The following GABRR2 variants were observed in gnomAD, a reference collection of about 807,000 sequenced individuals.
GABRR2 encodes gamma-aminobutyric acid receptor subunit rho-2.
Under a neutral mutation model 47.0 loss-of-function variants are expected in GABRR2, and 36 were observed. The observed-to-expected ratio is 0.77, with a 90% CI of 0.59 to 1.01. The LOEUF is 1.01. Ranked by LOEUF, GABRR2 falls within the 50% of genes least tolerant of loss-of-function variation. The probability of loss-of-function intolerance (pLI) is 0.00; values close to 1 mark genes in which losing one functional copy is unlikely to be tolerated. For missense variants in GABRR2, 587 were observed against 594.6 expected, an observed-to-expected ratio of 0.99 and a Z score of 0.13; for synonymous variants, 204 against 227.5, an observed-to-expected ratio of 0.90 and a Z score of 0.93.
At chr6:89,292,764 A>ATG (rs1774479833) in intron 2 of GABRR2, among the ~76,000 whole-genome samples, 1 of 37,684 alleles carries the variant, frequency 2.7e-5, no homozygotes. Context: ...CGTATATACG[A>ATG]TATATCGTAT....
intron 2 of GABRR2, among the ~76,000 whole-genome samples, chr6:89,292,222 T>C (rs981405117): frequency 1.3e-5 from 2 of 151,818 alleles, no homozygotes; most frequent in African/African-American, 4.8e-5. Context: ...TCCATGATGA[T>C]ACTATATCCC....
chr6:89,302,460 A>G (rs1767472399), intron 1 of GABRR2: 3 of 607,920 alleles, frequency 4.9e-6, no homozygotes, highest in Admixed American at 1.9e-5. Context: ...GCCACCTGAC[A>G]TTGGCCACCA....
rs373172795 is a variant in GABRR2 at position 89,264,395 on chromosome 6, C to G, written c.1086+17G>C. The G allele has an allele frequency of 3.7e-6, 6 of 1,608,400 alleles. No homozygotes were observed. The highest frequency in any genetic ancestry group is 1.3e-5 in the African/African-American group (1 of 74,672). On this transcript the variant is annotated intron_variant, in intron 8 of 8. Transcript: ENST00000402938. ...CAGCAGCATGGACTTAGACAAGGGCCGAAGAAGCCCTCTCACCTTCTCCCG... is the reference window on the plus strand; with the variant it reads ...CAGCAGCATGGACTTAGACAAGGGCGGAAGAAGCCCTCTCACCTTCTCCCG...
intron 2 of GABRR2, among the ~76,000 whole-genome samples, chr6:89,293,984 C>A (rs1774512309): frequency 6.6e-6 from 1 of 152,172 alleles, no homozygotes; most frequent in African/African-American, 2.4e-5. Flanking sequence ...TTTTCTCTTT[C>A]TAGACTAAAA....
chr6:89,281,609 T>C (rs141049976), intron 2 of GABRR2, among the ~76,000 whole-genome samples: 2 of 152,210 alleles, frequency 1.3e-5, no homozygotes, highest in African/African-American at 4.8e-5. Context: ...AGCCCTTATG[T>C]CTGTTAAGAT....
intron 2 of GABRR2, among the ~76,000 whole-genome samples, chr6:89,272,962 C>A (rs1398001994): frequency 6.6e-6 from 1 of 152,154 alleles, no homozygotes; most frequent in Non-Finnish European, 1.5e-5. Context: ...CTGACTCCCC[C>A]ACGGCTCCCC....
At chr6:89,273,600 G>A (rs1157724534) in intron 2 of GABRR2, among the ~76,000 whole-genome samples, 5 of 152,134 alleles carry the variant, frequency 3.3e-5, no homozygotes, top group East Asian at 1.9e-4. Context: ...TGGTCCCTGT[G>A]GGAGGAGGCC....
intron 4 of GABRR2, 94 bp from the exon 5 acceptor site, chr6:89,268,190 C>G: frequency 1.2e-6 from 1 of 823,780 alleles, no homozygotes; most frequent in South Asian, 1.4e-5. Flanking sequence ...AACTGAGTAG[C>G]TGCCTCCTCA....
At position 89,269,245 on chromosome 6, in the gene GABRR2, C is replaced by T. The variant is rs569842676; in HGVS notation, c.289-11G>A. On this transcript the variant is annotated splice_polypyrimidine_tract_variant and intron_variant, in intron 3 of 8. Transcript: ENST00000402938. ...GGTCATAGTGAAGTCCTGTGGGAGC[C>T]GGGGTGAGACCAGACAAAAATGGCT... 5.6e-6 allele frequency: 9 copies of T among 1,609,666 alleles called. No homozygotes were observed. Among genetic ancestry groups the T allele is most frequent in the East Asian group, 4.5e-5 (2 of 44,836 alleles).
At chr6:89,260,592 C>CG (rs1773723535) in intron 8 of GABRR2, among the ~76,000 whole-genome samples, 1 of 152,168 alleles carries the variant, frequency 6.6e-6, no homozygotes, top group African/African-American at 2.4e-5. Flanking sequence ...GTGGGCCTAA[C>CG]GGGTCCCAGG....
In GABRR2 at chr6:89,299,843, C is replaced by T. The variant is rs758691095; in HGVS notation, c.136G>A (p.Asp46Asn). 6.2e-7 allele frequency: 1 copy of T among 1,613,282 alleles called. No individual in the cohort carries two copies. Reference protein sequence around the residue: ...KPSHLYKKNLDVTKIRKGKPQ... With the variant: ...KPSHLYKKNLNVTKIRKGKPQ... ...TTTCCCTTCCGGATCTTGGTCACAT[C>T]AAGGTTCTTCTTATATAAGTGACTG... Residue 46 changes from aspartate (D) to asparagine (N), a missense_variant, in exon 2 of 9, where the codon GAT (aspartate) becomes AAT (asparagine). By Grantham distance (23) the Asp-to-Asn change is conservative. Coordinates refer to ENST00000402938, the MANE Select transcript of GABRR2 (RefSeq NM_002043.5).
intron 4 of GABRR2, among the ~76,000 whole-genome samples, 178 bp from the exon 5 acceptor site, chr6:89,268,274 T>C (rs1008494923): frequency 1.3e-5 from 2 of 152,254 alleles, no homozygotes; most frequent in East Asian, 3.8e-4. Flanking sequence ...TCTTCTGTAG[T>C]AGAGTATTAG....
chr6:89,304,780 C>A (rs1767527653), intron 1 of GABRR2, among the ~76,000 whole-genome samples: 2 of 151,958 alleles, frequency 1.3e-5, no homozygotes, highest in Admixed American at 1.3e-4. Flanking sequence ...ATTACAAAGT[C>A]AAAAAATAAC....
At chr6:89,291,229 C>A (rs1774434778) in intron 2 of GABRR2, among the ~76,000 whole-genome samples, 2 of 152,110 alleles carry the variant, frequency 1.3e-5, no homozygotes. Flanking sequence ...TCTTCAGCCC[C>A]TCATCAGCTG....
intron 2 of GABRR2, among the ~76,000 whole-genome samples, chr6:89,283,674 A>G (rs1774288673): frequency 6.6e-6 from 1 of 152,192 alleles, no homozygotes; most frequent in East Asian, 1.9e-4. Context: ...AAAGATTTTT[A>G]TAGGCATCTA....
intron 2 of GABRR2, among the ~76,000 whole-genome samples, chr6:89,280,221 T>TATATA (rs1554197240): frequency 1.1e-4 from 4 of 37,468 alleles, no homozygotes; most frequent in African/African-American, 4.6e-4. Context: ...AATATATATA[T>TATATA]ATATATATAT....
intron 2 of GABRR2, among the ~76,000 whole-genome samples, chr6:89,297,053 C>T (rs1582460165): frequency 6.6e-6 from 1 of 152,108 alleles, no homozygotes; most frequent in Non-Finnish European, 1.5e-5. Flanking sequence ...CGGAATAGCA[C>T]CCACACTCGG....
At chr6:89,298,255 C>A (rs755851403) in intron 2 of GABRR2, among the ~76,000 whole-genome samples, 2 of 152,150 alleles carry the variant, frequency 1.3e-5, no homozygotes, top group East Asian at 1.9e-4. Context: ...GGCTTTGAGG[C>A]CTTTTAAAAT....
In GABRR2 at chr6:89,302,701, T is replaced by C; in HGVS notation, c.114-2836A>G. On this transcript the variant is annotated intron_variant, in intron 1 of 8. Coordinates refer to ENST00000402938, the MANE Select transcript of GABRR2 (RefSeq NM_002043.5). ...CGGCACCACGGCTGCTACCTGGCAG[T>C]GGCCACCGTGTTCCGGGGCTGCCTG... 4 of 1,341,568 alleles carry C rather than the reference T, an allele frequency of 3.0e-6. No individual in the cohort carries two copies. The South Asian group carries it at 4.6e-5, about 15-fold the overall frequency. The allele number at this position is 1,341,568 out of a possible 1,614,324, so 83.1% of individuals were successfully genotyped here. A position where few individuals can be genotyped will look rare whatever the true frequency, so the allele number is the denominator to read the frequency against.
Sources: gnomAD v4.1 joint callset for allele counts (sites outside exome capture counted in the v4.1 genomes callset) on GRCh38, gnomAD v4.1.1 for gene constraint, MANE v1.5 for transcripts, NCBI Gene and HGNC (gene_info 2026-07-23, HGNC 2026-07-21) for gene names.